The following HINT3 variants were observed in gnomAD, a reference collection of about 807,000 sequenced individuals.
HINT3 encodes the protein adenosine 5'-monophosphoramidase HINT3.
HINT3 carries 16 observed loss-of-function variants against 19.1 expected under a neutral mutation model. The observed-to-expected ratio is 0.84, with a 90% CI of 0.57 to 1.27. The LOEUF (loss-of-function observed/expected upper bound fraction) is 1.27. Among genes scored for constraint, HINT3 ranks in the 50% most tolerant of loss-of-function variants. HINT3 has a pLI of 0.00. For synonymous variants in HINT3, 75 were observed against 84.8 expected, an observed-to-expected ratio of 0.88 and a Z score of 0.63; for missense variants, 197 against 225.8, an observed-to-expected ratio of 0.87 and a Z score of 0.82.
At chr6:125,959,115 A>G (rs1788883166) in intron 1 of HINT3, among the ~76,000 whole-genome samples, 1 of 152,176 alleles carries the variant, frequency 6.6e-6, no homozygotes. Flanking sequence ...TGAGGCATCT[A>G]AGTAGAGATG....
chr6:125,962,868 T>C (rs527348446), intron 1 of HINT3, among the ~76,000 whole-genome samples: 1 of 152,178 alleles, frequency 6.6e-6, no homozygotes, highest in South Asian at 2.1e-4. Flanking sequence ...GGCACAGATA[T>C]ACATAAACAG....
Position 125,978,914 on chromosome 6 carries a change from T to C in HINT3, c.*1238T>C, listed in dbSNP as rs1038458173. 3 of 152,178 alleles carry C rather than the reference T, an allele frequency of 2.0e-5. No homozygotes were observed. The highest frequency in any genetic ancestry group is 4.4e-5 in the Non-Finnish European group (3 of 68,030). 9.4% of individuals were successfully genotyped at this position (152,178 alleles called of 1,614,324 possible). A position where few individuals can be genotyped will look rare whatever the true frequency, so the allele number is the denominator to read the frequency against. ...TAATGTGTACCAGATATTGCCAGGA[T>C]CAGGAAATAAAGAACTAAAAATGGA... is the stretch of plus-strand genomic sequence containing the variant. On this transcript the variant is annotated 3_prime_UTR_variant, in exon 5 of 5. Coordinates refer to ENST00000229633, the MANE Select transcript of HINT3 (RefSeq NM_138571.5).
At chr6:125,966,315 C>T (rs544884533) in intron 1 of HINT3, among the ~76,000 whole-genome samples, 66 of 152,190 alleles carry the variant, frequency 4.3e-4, no homozygotes, top group African/African-American at 1.6e-3. Flanking sequence ...TAAATTAGTA[C>T]AATATACTGG....
At chr6:125,968,845 A>G (rs144903949) in intron 2 of HINT3, among the ~76,000 whole-genome samples, 189 of 151,846 alleles carry the variant, frequency 1.2e-3, no homozygotes, top group African/African-American at 4.1e-3. Context: ...TCTTTTGCCC[A>G]TTGTTTCATG....
chr6:125,976,591 T>C (rs189471924), intron 4 of HINT3, among the ~76,000 whole-genome samples: 133 of 150,952 alleles, frequency 8.8e-4, no homozygotes, highest in Middle Eastern at 3.4e-3. Context: ...TAATTTTCTA[T>C]AAGAGCTATA....
At chr6:125,960,672 A>ACGGGGG (rs1395716444) in intron 1 of HINT3, among the ~76,000 whole-genome samples, 1 of 83,436 alleles carries the variant, frequency 1.2e-5, no homozygotes, top group Middle Eastern at 6.8e-3. Flanking sequence ...GGGGAAAAAA[A>ACGGGGG]AAGAAGTTAG....
At chr6:125,964,184 G>A (rs1788984123) in intron 1 of HINT3, among the ~76,000 whole-genome samples, 1 of 152,130 alleles carries the variant, frequency 6.6e-6, no homozygotes, top group South Asian at 2.1e-4. Flanking sequence ...TAAGTCACTT[G>A]AAATCATTCT....
intron 1 of HINT3, among the ~76,000 whole-genome samples, chr6:125,963,432 C>T (rs1788973308): frequency 6.6e-6 from 1 of 152,138 alleles, no homozygotes; most frequent in Non-Finnish European, 1.5e-5. Flanking sequence ...TTCTGCATTA[C>T]AGAAAGCACA....
intron 4 of HINT3, among the ~76,000 whole-genome samples, chr6:125,976,922 T>C (rs145654536): frequency 1.4e-3 from 215 of 152,296 alleles, no homozygotes; most frequent in African/African-American, 4.7e-3. Flanking sequence ...TTTTTAGAGC[T>C]GATTTAAGTT....
Position 125,974,819 on chromosome 6 carries a change from T to TTGGAA in HINT3, c.390-28_390-27insTGGAA. The TTGGAA allele has an allele frequency of 2.5e-6, 4 of 1,599,140 alleles. No homozygotes were observed. In the South Asian group the frequency reaches 4.5e-5, roughly 18 times the overall value. ...ATGACTTTATTTTAGAACTGGTTTG[T>TTGGAA]CAATCATCTCTTTACTTTCTATTTT... On this transcript the variant is annotated intron_variant, in intron 3 of 4. Coordinates refer to ENST00000229633, the MANE Select transcript of HINT3 (RefSeq NM_138571.5).
intron 1 of HINT3, among the ~76,000 whole-genome samples, chr6:125,963,620 G>T (rs373222320): frequency 1.3e-5 from 2 of 152,246 alleles, no homozygotes; most frequent in African/African-American, 4.8e-5. Context: ...ATAAAAGTTG[G>T]TTCTTCCCTG....
At chr6:125,960,840 G>T (rs577161954) in intron 1 of HINT3, among the ~76,000 whole-genome samples, 1 of 152,256 alleles carries the variant, frequency 6.6e-6, no homozygotes, top group South Asian at 2.1e-4. Context: ...ACCTAGTTCT[G>T]CCTCTTCAGT....
intron 3 of HINT3, among the ~76,000 whole-genome samples, chr6:125,973,147 C>T (rs1458855869): frequency 8.5e-6 from 1 of 117,586 alleles, no homozygotes; most frequent in Non-Finnish European, 1.6e-5. Context: ...GCGATCTTGG[C>T]TCACTGCAAC....
intron 1 of HINT3, among the ~76,000 whole-genome samples, chr6:125,960,487 T>A (rs1562211394): frequency 6.6e-6 from 1 of 152,046 alleles, no homozygotes; most frequent in Admixed American, 6.6e-5. Flanking sequence ...TGAAACCCCA[T>A]CTCTCCTAAA....
chr6:125,956,795 C>T lies in HINT3; in HGVS notation c.-183C>T. The T allele has an allele frequency of 4.4e-6, 3 of 679,610 alleles. No homozygotes were observed. Among genetic ancestry groups the T allele is most frequent in the Non-Finnish European group, 7.3e-6 (3 of 411,434 alleles). 42.1% of individuals were successfully genotyped at this position (679,610 alleles called of 1,614,324 possible). On this transcript the variant is annotated 5_prime_UTR_variant, in exon 1 of 5. Coordinates refer to ENST00000229633, the MANE Select transcript of HINT3 (RefSeq NM_138571.5). ...CTCTAGTGGCAGCCGGTTTTGAGGCCGGCCTCCGGCTTTGAAGTTCCTCAC... is the reference window on the plus strand; with the variant it reads ...CTCTAGTGGCAGCCGGTTTTGAGGCTGGCCTCCGGCTTTGAAGTTCCTCAC...
In HINT3 at chr6:125,962,289, CATATAT is replaced by C. The variant is rs750228860; in HGVS notation, c.202-4585_202-4580del. On this transcript the variant is annotated intron_variant, in intron 1 of 4. Transcript: ENST00000229633. ...ATATATACATACATATATATATACA[CATATAT>C]ATATATATATATCACACATATATAT... Among the ~76,000 whole-genome samples, 3 of 68,926 alleles carry C rather than the reference CATATAT, an allele frequency of 4.4e-5. 1 individual carries two copies. Among genetic ancestry groups the C allele is most frequent in the African/African-American group, 2.3e-4 (2 of 8,682 alleles). 45.2% of individuals were successfully genotyped at this position (68,926 alleles called of 152,430 possible).
chr6:125,966,080 G>A (rs149572744), intron 1 of HINT3, among the ~76,000 whole-genome samples: 246 of 152,244 alleles, frequency 1.6e-3, no homozygotes, highest in Middle Eastern at 6.8e-3. Flanking sequence ...TTTATTTAAT[G>A]TAAAGTAAAA....
At chr6:125,963,651 G>A (rs1562212755) in intron 1 of HINT3, among the ~76,000 whole-genome samples, 1 of 152,148 alleles carries the variant, frequency 6.6e-6, no homozygotes, top group Non-Finnish European at 1.5e-5. Context: ...GAGGTGGCAG[G>A]AGAAAAACAA....
chr6:125,966,924 C>A lies in HINT3; in HGVS notation c.239C>A (p.Ala80Glu). ...DLICFKDIKPAATHHYLVVPK... is the reference protein window; with the variant it reads ...DLICFKDIKPEATHHYLVVPK... ...ATTTGCTTCAAAGATATCAAACCAG[C>A]AGCAACTCATCATTATCTTGTGGTG... Residue 80 changes from alanine (A) to glutamate (E), a missense_variant, in exon 2 of 5, where the codon GCA becomes GAA. Ala to Glu is a moderately radical substitution (Grantham distance 107, BLOSUM62 -1). Transcript: ENST00000229633. The A allele has an allele frequency of 6.2e-7, 1 of 1,612,926 alleles. No individual in the cohort carries two copies. Among genetic ancestry groups the A allele is most frequent in the Non-Finnish European group, 8.5e-7 (1 of 1,179,472 alleles).
Sources: allele counts gnomAD v4.1 joint callset (sites outside exome capture counted in the v4.1 genomes callset), GRCh38; gene constraint gnomAD v4.1.1; transcripts MANE v1.5; gene names NCBI Gene and HGNC (gene_info 2026-07-23, HGNC 2026-07-21).